ITSN1: variants seen among roughly 807,000 people sequenced by gnomAD.
ITSN1 encodes intersectin 1, also known as intersectin-1.
In ITSN1, 58 loss-of-function variants were observed where a neutral mutation model predicts 239.8. That is an observed-to-expected ratio of 0.24 (90% CI 0.20 to 0.30). The LOEUF (loss-of-function observed/expected upper bound fraction) is 0.30. Ranked by LOEUF, ITSN1 falls within the 10% of genes least tolerant of loss-of-function variation. The pLI is 1.00. For missense variants in ITSN1, 1,558 were observed against 2,103.3 expected (o/e 0.74, Z 5.07); for synonymous variants, 780 against 770.8 (o/e 1.01, Z -0.20).
intron 24 of ITSN1, among the ~76,000 whole-genome samples, chr21:33,822,231 T>C (rs141803736): frequency 2.0e-4 from 31 of 152,324 alleles, no homozygotes; most frequent in Non-Finnish European, 4.1e-4. Context: ...GTTTTTGTGT[T>C]TTTGTCTGTT....
chr21:33,843,945 A>G (rs1018240877), intron 29 of ITSN1, among the ~76,000 whole-genome samples: 3 of 152,252 alleles, frequency 2.0e-5, no homozygotes, highest in Non-Finnish European at 4.4e-5. Context: ...CTGGTCAGTG[A>G]GCATCATGGA....
rs1336261006 is a variant in ITSN1, at chr21:33,782,064, A to G, written c.1755A>G (p.Gln585=). 2.5e-6 allele frequency: 4 copies of G among 1,613,918 alleles called. No individual in the cohort carries two copies. The highest frequency in any genetic ancestry group is 1.7e-5 in the Admixed American group (1 of 60,018). ...KELARQHLRD[Q]LDEVEKETRS... Reference sequence around the variant, plus strand: ...TAGCTCGGCAGCACCTACGAGACCAACTGGATGAAGTGGAGAAAGAAACTA... The same window carrying G: ...TAGCTCGGCAGCACCTACGAGACCAGCTGGATGAAGTGGAGAAAGAAACTA... Residue 585 remains glutamine, a synonymous_variant, in exon 16 of 40, where the codon CAA becomes CAG. Coordinates refer to ENST00000381318, the MANE Select transcript of ITSN1 (RefSeq NM_003024.3).
chr21:33,771,185 C>T (rs115300372), intron 11 of ITSN1, among the ~76,000 whole-genome samples: 2,198 of 152,238 alleles, frequency 0.014, 61 homozygotes, highest in African/African-American at 0.05. Context: ...GACTACAGTA[C>T]GTGAAGGAAG....
chr21:33,823,741 G>A, intron 25 of ITSN1, 88 bp downstream of exon 25: 5 of 1,322,616 alleles, frequency 3.8e-6, no homozygotes, highest in Non-Finnish European at 5.3e-6. Flanking sequence ...GAACTTTGTT[G>A]GGTTTTGCTA....
intron 4 of ITSN1, 103 bp downstream of exon 4, chr21:33,722,754 C>A: frequency 9.0e-7 from 1 of 1,106,132 alleles, no homozygotes; most frequent in Non-Finnish European, 1.2e-6. Context: ...AAAAGGAGAA[C>A]ATGTATCTCT....
At chr21:33,846,179 C>G (rs1167182743) in intron 29 of ITSN1, among the ~76,000 whole-genome samples, 6 of 152,168 alleles carry the variant, frequency 3.9e-5, no homozygotes, top group African/African-American at 1.4e-4. Flanking sequence ...CACCACCACC[C>G]CAGAATTCTT....
chr21:33,842,721 G>T (rs2074866643), intron 29 of ITSN1, among the ~76,000 whole-genome samples: 1 of 152,138 alleles, frequency 6.6e-6, no homozygotes, highest in South Asian at 2.1e-4. Context: ...GATGTTGCAA[G>T]CCTCAAAAGA....
chr21:33,721,109 T>C (rs2065456794), intron 2 of ITSN1, 69 bp from the exon 3 acceptor site: 4 of 942,628 alleles, frequency 4.2e-6, no homozygotes, highest in Non-Finnish European at 3.5e-6. Flanking sequence ...GCTGTGGAAA[T>C]AGTGTGTGAG....
chr21:33,682,720 G>T (rs1033261699), intron 1 of ITSN1, among the ~76,000 whole-genome samples: 16 of 151,164 alleles, frequency 1.1e-4, no homozygotes, highest in Non-Finnish European at 2.1e-4. Flanking sequence ...TAGAGACGGG[G>T]TTTCATCACA....
chr21:33,653,957 T>C (rs1055037897), intron 1 of ITSN1, among the ~76,000 whole-genome samples: 1 of 152,114 alleles, frequency 6.6e-6, no homozygotes. Context: ...TAACTTGTAT[T>C]TGTTTATTGG....
At chr21:33,651,345 G>A (rs1010112260) in intron 1 of ITSN1, among the ~76,000 whole-genome samples, 1 of 152,208 alleles carries the variant, frequency 6.6e-6, no homozygotes, top group African/African-American at 2.4e-5. Flanking sequence ...GGAGTGGATT[G>A]GAGGATGGAT....
chr21:33,648,309 C>G (rs561471451), intron 1 of ITSN1, among the ~76,000 whole-genome samples: 2 of 152,290 alleles, frequency 1.3e-5, no homozygotes, highest in South Asian at 4.1e-4. Context: ...CTTACAGATG[C>G]CTTGGAAACT....
intron 4 of ITSN1, among the ~76,000 whole-genome samples, chr21:33,727,967 ATT>A (rs1257578712): frequency 2.3e-4 from 32 of 137,112 alleles, no homozygotes; most frequent in Admixed American, 2.9e-4. Context: ...AGCAGCTGGA[ATT>A]TTTTTTTTTT....
At chr21:33,645,106 G>A (rs1340413376) in intron 1 of ITSN1, among the ~76,000 whole-genome samples, 4 of 152,188 alleles carry the variant, frequency 2.6e-5, no homozygotes, top group African/African-American at 9.7e-5. Context: ...TTAGAGGAAT[G>A]AGCCACCATG....
chr21:33,881,432 A>G lies in ITSN1; in HGVS notation c.4342-811A>G, dbSNP rs550226189. ...AAAAAAAAAAAAAAAAAAAAAATTA[A>G]CACCACTGATTTGTGCAGTCACACA... On this transcript the variant is annotated intron_variant, in intron 34 of 39. Coordinates refer to ENST00000381318, the MANE Select transcript of ITSN1 (RefSeq NM_003024.3). Among the ~76,000 whole-genome samples, 424 of 150,576 alleles carry G rather than the reference A, an allele frequency of 2.8e-3. 2 individuals carry two copies. The highest frequency in any genetic ancestry group is 3.7e-3 in the Non-Finnish European group (248 of 67,720).
At chr21:33,823,878 G>T (rs2148311692) in intron 25 of ITSN1, among the ~76,000 whole-genome samples, 1 of 152,314 alleles carries the variant, frequency 6.6e-6, no homozygotes, top group Middle Eastern at 3.4e-3. Context: ...GGCTGAGTGT[G>T]ATGGGGCTGG....
chr21:33,761,422 T>C (rs2068316091), intron 8 of ITSN1, among the ~76,000 whole-genome samples: 1 of 152,002 alleles, frequency 6.6e-6, no homozygotes, highest in African/African-American at 2.4e-5. Context: ...TTTTTTTTTC[T>C]TTTTAAGTCT....
At chr21:33,649,415 A>T (rs2088296878) in intron 1 of ITSN1, among the ~76,000 whole-genome samples, 1 of 152,196 alleles carries the variant, frequency 6.6e-6, no homozygotes, top group African/African-American at 2.4e-5. Context: ...TAAGCAAGTT[A>T]ATCTATTTTA....
chr21:33,650,923 AC>A (rs2088463999), intron 1 of ITSN1, among the ~76,000 whole-genome samples: 1 of 152,250 alleles, frequency 6.6e-6, no homozygotes, highest in African/African-American at 2.4e-5. Flanking sequence ...CCCTTCAGAT[AC>A]AGTTATTACA....
Sources: allele counts gnomAD v4.1 joint callset (sites outside exome capture counted in the v4.1 genomes callset), GRCh38; gene constraint gnomAD v4.1.1; transcripts MANE v1.5; gene names NCBI Gene and HGNC (gene_info 2026-07-23, HGNC 2026-07-21).